Variants in WWOX observed in about 807,000 individuals in gnomAD.
WWOX encodes WW domain-containing oxidoreductase.
Under a neutral mutation model 46.2 loss-of-function variants are expected in WWOX, and 69 were observed. The observed-to-expected ratio is 1.49, with a 90% confidence interval of 1.23 to 1.82. WWOX has a LOEUF of 1.82. Ranked by LOEUF, WWOX falls within the 40% of genes most tolerant of loss-of-function variation. The pLI is 0.00. For synonymous variants in WWOX, 359 were observed against 202.6 expected (o/e 1.77, Z -6.56); for missense variants, 919 against 542.6 (o/e 1.69, Z -6.89).
At chr16:78,819,861 C>A (rs187158878) in intron 8 of WWOX, among the ~76,000 whole-genome samples, 236 of 152,320 alleles carry the variant, frequency 1.5e-3, no homozygotes, top group African/African-American at 5.4e-3. Context: ...TGCACTCAGT[C>A]TTCTTTGAGT....
chr16:79,178,768 G>T lies in WWOX; in HGVS notation c.1057-32840G>T, dbSNP rs111453350. Among the ~76,000 whole-genome samples the T allele has an allele frequency of 7.2e-3, 1,093 of 152,226 alleles. 10 individuals carry two copies. The highest frequency in any genetic ancestry group is 0.012 in the Non-Finnish European group (846 of 68,014). On this transcript the variant is annotated intron_variant, in intron 8 of 8. Coordinates refer to ENST00000566780, the MANE Select transcript of WWOX (RefSeq NM_016373.4). Reference sequence around the variant, plus strand: ...AGAATATTACCAAAAACGTTTGGTCGACTAATTTTATGACAGTTTCCAACT... The same window carrying T: ...AGAATATTACCAAAAACGTTTGGTCTACTAATTTTATGACAGTTTCCAACT...
At chr16:78,596,234 G>A (rs558780781) in intron 8 of WWOX, among the ~76,000 whole-genome samples, 12 of 152,308 alleles carry the variant, frequency 7.9e-5, no homozygotes, top group South Asian at 6.2e-4. Flanking sequence ...TGGATACTTT[G>A]GGTTTGCCAT....
intron 8 of WWOX, among the ~76,000 whole-genome samples, chr16:78,752,964 T>C (rs964502923): frequency 6.6e-6 from 1 of 152,204 alleles, no homozygotes; most frequent in African/African-American, 2.4e-5. Flanking sequence ...AGGCCGTTTG[T>C]CTGCCTGGTT....
At chr16:78,689,298 T>A (rs1261692080) in intron 8 of WWOX, among the ~76,000 whole-genome samples, 1 of 152,214 alleles carries the variant, frequency 6.6e-6, no homozygotes, top group East Asian at 1.9e-4. Flanking sequence ...TCTGCACGCC[T>A]TGTATTTTTC....
At chr16:78,141,121 G>A (rs1430609539) in intron 4 of WWOX, among the ~76,000 whole-genome samples, 1 of 152,214 alleles carries the variant, frequency 6.6e-6, no homozygotes, top group African/African-American at 2.4e-5. Flanking sequence ...TTGGATCACA[G>A]AGCAAGCTGC....
intron 4 of WWOX, among the ~76,000 whole-genome samples, chr16:78,153,159 G>A (rs564265766): frequency 6.6e-6 from 1 of 152,282 alleles, no homozygotes; most frequent in South Asian, 2.1e-4. Context: ...GGAGGCAAAT[G>A]TGATCATTCA....
intron 8 of WWOX, among the ~76,000 whole-genome samples, chr16:78,849,521 C>A (rs571112526): frequency 7.5e-6 from 1 of 132,480 alleles, no homozygotes; most frequent in East Asian, 2.3e-4. Context: ...TTGCAGTGAG[C>A]GGAGATCGTG....
chr16:78,501,517 A>G lies in WWOX; in HGVS notation c.1056+68765A>G, dbSNP rs183893057. On this transcript the variant is annotated intron_variant, in intron 8 of 8. Transcript: ENST00000566780. ...TGCTCACTTTGGGCTGTACGTTAGA[A>G]CCACCTGAGAAGTTCTTTTTCTTTC... Among the ~76,000 whole-genome samples the G allele has an allele frequency of 4.9e-4, 74 of 150,782 alleles. 1 individual carries two copies. The highest frequency in any genetic ancestry group is 1.7e-3 in the African/African-American group (69 of 41,222).
At chr16:78,625,120 T>A (rs1370704967) in intron 8 of WWOX, among the ~76,000 whole-genome samples, 1 of 152,202 alleles carries the variant, frequency 6.6e-6, no homozygotes. Context: ...TGGCTGCCAT[T>A]CCTAAGCTAC....
intron 8 of WWOX, among the ~76,000 whole-genome samples, chr16:78,920,575 C>G (rs1275602758): frequency 6.6e-6 from 1 of 152,116 alleles, no homozygotes; most frequent in African/African-American, 2.4e-5. Context: ...TGTTAAATGT[C>G]AGCTTTGAGT....
intron 8 of WWOX, among the ~76,000 whole-genome samples, chr16:78,574,485 C>A (rs116517805): frequency 6.6e-6 from 1 of 152,002 alleles, no homozygotes. Context: ...CTAAAGTTGT[C>A]GGTGGTTGCT....
At chr16:78,698,025 T>C (rs1384273402) in intron 8 of WWOX, among the ~76,000 whole-genome samples, 1 of 152,200 alleles carries the variant, frequency 6.6e-6, no homozygotes, top group African/African-American at 2.4e-5. Flanking sequence ...ATACTATGTG[T>C]TTCAAAGGGC....
At position 78,508,555 on chromosome 16, in the gene WWOX, C is replaced by T. The variant is rs1296097217; in HGVS notation, c.1056+75803C>T. On this transcript the variant is annotated intron_variant, in intron 8 of 8. Transcript: ENST00000566780. ...GTTCTCTAGACCTCACACCCAGTCC[C>T]TATTCTTAGGTTTTATTTCTCAAAC... Among the ~76,000 whole-genome samples the T allele has an allele frequency of 2.6e-5, 4 of 152,114 alleles. No individual in the cohort carries two copies. The East Asian group carries it at 7.7e-4, about 29-fold the overall frequency.
chr16:78,172,012 G>T (rs2035178856), intron 5 of WWOX, among the ~76,000 whole-genome samples: 1 of 152,198 alleles, frequency 6.6e-6, no homozygotes. Flanking sequence ...AGATGAGGCA[G>T]TTTAGAGGCT....
At chr16:78,229,450 A>AT (rs1041969373) in intron 5 of WWOX, among the ~76,000 whole-genome samples, 370 of 120,986 alleles carry the variant, frequency 3.1e-3, no homozygotes, top group African/African-American at 0.012. Context: ...AGACATTTAG[A>AT]TTTTTTCTGT....
At chr16:78,721,425 C>T (rs1021595472) in intron 8 of WWOX, among the ~76,000 whole-genome samples, 5 of 152,050 alleles carry the variant, frequency 3.3e-5, no homozygotes, top group South Asian at 2.1e-4. Context: ...AACATATTGT[C>T]GGCTGGAGAG....
chr16:78,856,873 T>A (rs934883298), intron 8 of WWOX, among the ~76,000 whole-genome samples: 1 of 152,204 alleles, frequency 6.6e-6, no homozygotes, highest in African/African-American at 2.4e-5. Context: ...GCCACCATCA[T>A]AGAGTATACC....
At chr16:78,665,644 A>G (rs1228073185) in intron 8 of WWOX, among the ~76,000 whole-genome samples, 1 of 152,090 alleles carries the variant, frequency 6.6e-6, no homozygotes, top group Non-Finnish European at 1.5e-5. Context: ...GACAAAAGCA[A>G]GAATCCTGAG....
At chr16:78,225,983 T>C (rs2037041151) in intron 5 of WWOX, among the ~76,000 whole-genome samples, 1 of 152,244 alleles carries the variant, frequency 6.6e-6, no homozygotes, top group Non-Finnish European at 1.5e-5. Flanking sequence ...TTTATTCTAA[T>C]ACTGCTATTC....
Sources: allele counts gnomAD v4.1 joint callset (sites outside exome capture counted in the v4.1 genomes callset), GRCh38; gene constraint gnomAD v4.1.1; transcripts MANE v1.5; gene names NCBI Gene and HGNC (gene_info 2026-07-23, HGNC 2026-07-21).